Variants in AXDND1 observed in about 807,000 individuals in gnomAD.
AXDND1 encodes axonemal dynein light chain domain-containing protein 1.
In AXDND1, 110 loss-of-function variants were observed where a neutral mutation model predicts 137.5. The ratio of observed to expected loss-of-function variants is 0.80; its 90% CI spans 0.69 to 0.94. The LOEUF (loss-of-function observed/expected upper bound fraction) is 0.94. Ranked by LOEUF, AXDND1 falls within the 40% of genes least tolerant of loss-of-function variation. The probability of loss-of-function intolerance (pLI) is 0.00; values close to 1 mark genes in which losing one functional copy is unlikely to be tolerated. For missense variants in AXDND1, 1,191 were observed against 1,169.8 expected (o/e 1.02, Z -0.26); for synonymous variants, 414 against 399.7 (o/e 1.04, Z -0.43).
chr1:179,425,176 G>T (rs930278881), intron 12 of AXDND1, among the ~76,000 whole-genome samples: 1 of 152,114 alleles, frequency 6.6e-6, no homozygotes, highest in East Asian at 1.9e-4. Context: ...TGTTTGATTG[G>T]CTATTTTTGC....
At chr1:179,366,363 T>C in intron 1 of AXDND1, 41 bp from the exon 2 acceptor site, 1 of 533,124 alleles carries the variant, frequency 1.9e-6, no homozygotes, top group East Asian at 3.4e-5. Flanking sequence ...ATAGTTGTCA[T>C]CTTTTTTTTT....
intron 25 of AXDND1, among the ~76,000 whole-genome samples, chr1:179,553,478 A>G (rs1017604863): frequency 2.0e-5 from 3 of 152,346 alleles, no homozygotes; most frequent in East Asian, 1.9e-4. Context: ...TGAAAACATT[A>G]TGCTAAGTGA....
At chr1:179,529,866 G>T (rs1670893810) in intron 23 of AXDND1, among the ~76,000 whole-genome samples, 1 of 152,050 alleles carries the variant, frequency 6.6e-6, no homozygotes, top group South Asian at 2.1e-4. Context: ...TATATTTGGG[G>T]GGTAATATAT....
intron 4 of AXDND1, among the ~76,000 whole-genome samples, chr1:179,371,532 C>G (rs147914200): frequency 6.6e-6 from 1 of 152,114 alleles, no homozygotes; most frequent in Non-Finnish European, 1.5e-5. Flanking sequence ...CTCAACCCCA[C>G]GAAAACATTT....
Position 179,488,588 on chromosome 1 carries a change from C to CTCTT in AXDND1, c.2092-2936_2092-2933dup, listed in dbSNP as rs143458024. Reference sequence around the variant, plus strand: ...GCCTGATCTATCTTTCTTTCTCTCTCTCTTTCTTTCTTTCTTTTTCTTTCT... The same window carrying CTCTT: ...GCCTGATCTATCTTTCTTTCTCTCTCTCTTTCTTTCTTTCTTTCTTTTTCTTTCT... On this transcript the variant is annotated intron_variant, in intron 18 of 25. Transcript: ENST00000367618. 1.3e-4 allele frequency among the ~76,000 whole-genome samples: 17 copies of CTCTT among 135,100 alleles called. 1 individual carries two copies. Among genetic ancestry groups the CTCTT allele is most frequent in the Non-Finnish European group, 1.9e-4 (12 of 62,828 alleles). 88.6% of individuals were successfully genotyped at this position (135,100 alleles called of 152,430 possible).
intron 25 of AXDND1, among the ~76,000 whole-genome samples, chr1:179,541,088 C>T (rs1019988387): frequency 6.6e-6 from 1 of 152,216 alleles, no homozygotes; most frequent in Admixed American, 6.5e-5. Context: ...AATTTCAAGC[C>T]AGTGGATCTT....
intron 13 of AXDND1, among the ~76,000 whole-genome samples, chr1:179,430,051 A>G (rs752115957): frequency 9.9e-5 from 15 of 151,192 alleles, no homozygotes; most frequent in Admixed American, 3.3e-4. Flanking sequence ...TGTGAGATAG[A>G]TATTAGGGTC....
At chr1:179,489,977 C>G (rs1325901591) in intron 18 of AXDND1, among the ~76,000 whole-genome samples, 1 of 152,070 alleles carries the variant, frequency 6.6e-6, no homozygotes, top group Non-Finnish European at 1.5e-5. Context: ...ATTTCCTGAC[C>G]TCGTGATCCA....
At chr1:179,456,425 AC>A in intron 16 of AXDND1, 3 of 768,690 alleles carry the variant, frequency 3.9e-6, no homozygotes, top group Non-Finnish European at 7.2e-6. Context: ...TACCTCCAAA[AC>A]TGCTTCCACT....
At chr1:179,480,405 G>T (rs1030461332) in intron 17 of AXDND1, among the ~76,000 whole-genome samples, 2 of 152,218 alleles carry the variant, frequency 1.3e-5, no homozygotes, top group Middle Eastern at 3.4e-3. Context: ...TCACTACCAC[G>T]AGAACAGTAT....
At chr1:179,375,526 A>T (rs1668510950) in intron 4 of AXDND1, among the ~76,000 whole-genome samples, 1 of 151,014 alleles carries the variant, frequency 6.6e-6, no homozygotes, top group Admixed American at 6.6e-5. Flanking sequence ...ATACATATGC[A>T]TTATATATGT....
chr1:179,476,957 C>T (rs1464871608), intron 17 of AXDND1, among the ~76,000 whole-genome samples: 1 of 152,076 alleles, frequency 6.6e-6, no homozygotes, highest in Non-Finnish European at 1.5e-5. Context: ...TTTCTTTTCT[C>T]TACTTCCAAT....
At chr1:179,389,816 G>A (rs1299347021) in intron 9 of AXDND1, among the ~76,000 whole-genome samples, 1 of 152,098 alleles carries the variant, frequency 6.6e-6, no homozygotes, top group African/African-American at 2.4e-5. Context: ...TCAGGAGGGG[G>A]AAATCCTAAA....
intron 22 of AXDND1, among the ~76,000 whole-genome samples, chr1:179,527,197 T>C (rs1339801065): frequency 6.6e-6 from 1 of 152,158 alleles, no homozygotes; most frequent in East Asian, 1.9e-4. Context: ...TTTTAGACCA[T>C]ATAGGGTAAC....
chr1:179,370,153 G>A, intron 4 of AXDND1, 75 bp downstream of exon 4: 3 of 1,174,650 alleles, frequency 2.6e-6, no homozygotes, highest in South Asian at 1.4e-5. Flanking sequence ...ACCTTGGGAG[G>A]GGCAGAATTA....
intron 21 of AXDND1, among the ~76,000 whole-genome samples, chr1:179,524,439 C>T (rs149491813): frequency 1.3e-5 from 2 of 152,152 alleles, no homozygotes; most frequent in African/African-American, 2.4e-5. Context: ...ACTCCAGATC[C>T]ATATATTCAC....
chr1:179,458,946 A>G (rs1044937658), intron 16 of AXDND1, among the ~76,000 whole-genome samples: 1 of 152,078 alleles, frequency 6.6e-6, no homozygotes, highest in Admixed American at 6.6e-5. Flanking sequence ...AGAAGATAAA[A>G]TATTTCTTTG....
chr1:179,455,968 T>C lies in AXDND1; in HGVS notation c.1798+10764T>C, dbSNP rs150738946. On this transcript the variant is annotated intron_variant, in intron 16 of 25. Transcript: ENST00000367618. Reference sequence around the variant, plus strand: ...AGCATGGGTGCCAAAAAAAAAAAACTACATTAAAACCCTTTGTTGGAATGC... The same window carrying C: ...AGCATGGGTGCCAAAAAAAAAAAACCACATTAAAACCCTTTGTTGGAATGC... 1.1e-4 allele frequency: 28 copies of C among 261,928 alleles called. 1 individual carries two copies. The East Asian group carries it at 2.7e-3, about 25-fold the overall frequency. The allele number at this position is 261,928 out of a possible 1,614,324, so 16.2% of individuals were successfully genotyped here. A position where few individuals can be genotyped will look rare whatever the true frequency, so the allele number is the denominator to read the frequency against.
intron 11 of AXDND1, among the ~76,000 whole-genome samples, chr1:179,407,426 C>T (rs1316375279): frequency 6.6e-6 from 1 of 152,032 alleles, no homozygotes. Flanking sequence ...GAGGTTTCAC[C>T]ATGTTGGCCA....
Sources: allele counts gnomAD v4.1 joint callset (sites outside exome capture counted in the v4.1 genomes callset), GRCh38; gene constraint gnomAD v4.1.1; transcripts MANE v1.5; gene names NCBI Gene and HGNC (gene_info 2026-07-23, HGNC 2026-07-21).